The following JPH4 variants were observed in gnomAD, a reference collection of about 807,000 sequenced individuals.
JPH4 encodes the protein junctophilin-4.
In JPH4, 18 loss-of-function variants were observed where a neutral mutation model predicts 57.6. That is an observed-to-expected ratio of 0.31 (90% CI 0.22 to 0.46). JPH4 has a LOEUF of 0.46. Among genes scored for constraint, JPH4 ranks in the 20% least tolerant of loss-of-function variants. JPH4 has a pLI of 1.00. For synonymous variants in JPH4, 425 were observed against 406.6 expected (o/e 1.05, Z -0.54); for missense variants, 727 against 911.1 (o/e 0.80, Z 2.60).
rs754712369 is a variant in JPH4, at chr14:23,575,782, G to C, written c.1054C>G (p.Arg352Gly). The C allele has an allele frequency of 6.3e-7, 1 of 1,596,246 alleles. No homozygotes were observed. The highest frequency in any genetic ancestry group is 1.7e-5 in the Admixed American group (1 of 58,284). The part of the protein sequence containing the change: ...RVRSLLPLAL[R>G]RGKVKEKVDR... ...ACCTTCTCCTTAACCTTGCCCCGCC[G>C]AAGGGCCAGAGGCAGGAGACTGCGG... The change falls in exon 3 of 6, where the codon CGG becomes GGG. Residue 352 changes from arginine to glycine, a missense_variant. Physicochemically the swap from Arg to Gly is moderately radical, Grantham distance 125. Coordinates refer to ENST00000356300, the MANE Select transcript of JPH4 (RefSeq NM_001146028.2). This position sits in a 1 kb window ranked among gnomAD's most constrained non-coding sequence, Gnocchi z 6.9.
intron 3 of JPH4, among the ~76,000 whole-genome samples, chr14:23,573,671 C>G (rs1265780591): frequency 6.6e-6 from 1 of 152,158 alleles, no homozygotes. Context: ...AGCTGGCAGC[C>G]AGTCGGGATT....
rs921151272 is a variant in JPH4 at position 23,575,743 on chromosome 14, C to G, written c.1093G>C (p.Glu365Gln). The change falls in exon 3 of 6, where the codon GAG (glutamate) becomes CAG (glutamine). Residue 365 changes from glutamate (E) to glutamine (Q), a missense_variant. Physicochemically the swap from Glu to Gln is conservative, Grantham distance 29. Around this residue, in one of 7 missense-constraint regions of JPH4, gnomAD observed 112 missense variants for 199.4 expected, o/e 0.56. Coordinates refer to ENST00000356300, the MANE Select transcript of JPH4 (RefSeq NM_001146028.2). The surrounding 1 kb of genome is among the most constrained non-coding windows in gnomAD (Gnocchi z 6.9). ...KVKEKVDRAV[E>Q]GARRAVSAAR... ...GCACTCACGGCTCGACGGGCGCCCT[C>G]GACAGCCCTGTCCACCTTCTCCTTA... The G allele has an allele frequency of 6.3e-7, 1 of 1,593,658 alleles. No homozygotes were observed. The highest frequency in any genetic ancestry group is 2.3e-5 in the East Asian group (1 of 42,830).
chr14:23,578,399 G>C lies in JPH4; in HGVS notation c.-391C>G, dbSNP rs1421892881. 6.6e-6 allele frequency: 1 copy of C among 151,586 alleles called. No individual in the cohort carries two copies. The highest frequency in any genetic ancestry group is 6.6e-5 in the Admixed American group (1 of 15,202). The allele number at this position is 151,586 out of a possible 1,614,324, so 9.4% of individuals were successfully genotyped here. A position where few individuals can be genotyped will look rare whatever the true frequency, so the allele number is the denominator to read the frequency against. ...TAGTGGCAAGGGTGGGGGAAGATGA[G>C]AATAGTGTAGGGGAAAAAATCTGCC... On this transcript the variant is annotated 5_prime_UTR_variant, in exon 1 of 6. Transcript: ENST00000356300.
Position 23,569,179 on chromosome 14 carries a change from G to C in JPH4, c.*455C>G, listed in dbSNP as rs969791625. On this transcript the variant is annotated 3_prime_UTR_variant, in exon 6 of 6. Transcript: ENST00000356300. This position sits in a 1 kb window ranked among gnomAD's most constrained non-coding sequence, Gnocchi z 4.8. Reference sequence around the variant, plus strand: ...CAGCAGCTCAGCCAGTGCCTTGCCCGACATTCAATCACTCCTTCTTCATTT... The same window carrying C: ...CAGCAGCTCAGCCAGTGCCTTGCCCCACATTCAATCACTCCTTCTTCATTT... 5.0e-6 allele frequency: 1 copy of C among 199,504 alleles called. No homozygotes were observed. Among genetic ancestry groups the C allele is most frequent in the African/African-American group, 2.4e-5 (1 of 41,664 alleles). The allele number at this position is 199,504 out of a possible 1,614,324, so 12.4% of individuals were successfully genotyped here.
Position 23,569,429 on chromosome 14 carries a change from A to G in JPH4, c.*205T>C, listed in dbSNP as rs949736147. 1.6e-5 allele frequency: 9 copies of G among 578,724 alleles called. No individual in the cohort carries two copies. The highest frequency in any genetic ancestry group is 1.4e-4 in the South Asian group (7 of 49,136). The allele number at this position is 578,724 out of a possible 1,614,324, so 35.8% of individuals were successfully genotyped here. On this transcript the variant is annotated 3_prime_UTR_variant, in exon 6 of 6. Transcript: ENST00000356300. This position sits in a 1 kb window ranked among gnomAD's most constrained non-coding sequence, Gnocchi z 4.8. ...ATGGGGAAGGGAGTGAGGAATACAG[A>G]GACAGATCCAGAAGAAATGAGATAA...
rs531543392 is a variant in JPH4, at chr14:23,570,143, C to T, written c.1804-426G>A. Reference sequence around the variant, plus strand: ...AAACTCCGCCTCTCCCGGTTTTCTGCCTTCTTCTCTATTTCAACTTCTTCC... The same window carrying T: ...AAACTCCGCCTCTCCCGGTTTTCTGTCTTCTTCTCTATTTCAACTTCTTCC... On this transcript the variant is annotated intron_variant, in intron 5 of 5. Coordinates refer to ENST00000356300, the MANE Select transcript of JPH4 (RefSeq NM_001146028.2). Among the ~76,000 whole-genome samples, 29 of 151,608 alleles carry T rather than the reference C, an allele frequency of 1.9e-4. 2 individuals are homozygous for T. The highest frequency in any genetic ancestry group is 1.7e-3 in the Admixed American group (26 of 15,204).
At position 23,568,836 on chromosome 14, in the gene JPH4, G is replaced by A; in HGVS notation, c.*798C>T. On this transcript the variant is annotated 3_prime_UTR_variant, in exon 6 of 6. Transcript: ENST00000356300. Reference sequence around the variant, plus strand: ...GGAGACAGAAGGGTGGGAGAAGTCAGTGGCAAAGTCTGGGCAGGGTGGACT... The same window carrying A: ...GGAGACAGAAGGGTGGGAGAAGTCAATGGCAAAGTCTGGGCAGGGTGGACT... 1 of 983,352 alleles carries A rather than the reference G, an allele frequency of 1.0e-6. No homozygotes were observed. Among genetic ancestry groups the A allele is most frequent in the Non-Finnish European group, 1.2e-6 (1 of 827,582 alleles). 60.9% of individuals were successfully genotyped at this position (983,352 alleles called of 1,614,324 possible). A position where few individuals can be genotyped will look rare whatever the true frequency, so the allele number is the denominator to read the frequency against.
Position 23,576,477 on chromosome 14 carries a change from G to A in JPH4, c.380-21C>T. On this transcript the variant is annotated intron_variant, in intron 2 of 5. Coordinates refer to ENST00000356300, the MANE Select transcript of JPH4 (RefSeq NM_001146028.2). This position sits in a 1 kb window ranked among gnomAD's most constrained non-coding sequence, Gnocchi z 8.0. ...GGTGCCTGCGGGCGGCGGAGGGGTGGGAGAAAGAGTCAGGACGTGCCGCTG... is the reference window on the plus strand; with the variant it reads ...GGTGCCTGCGGGCGGCGGAGGGGTGAGAGAAAGAGTCAGGACGTGCCGCTG... The A allele has an allele frequency of 7.2e-7, 1 of 1,393,128 alleles. No homozygotes were observed. Among genetic ancestry groups the A allele is most frequent in the Non-Finnish European group, 9.2e-7 (1 of 1,082,922 alleles). 86.3% of individuals were successfully genotyped at this position (1,393,128 alleles called of 1,614,324 possible).
At position 23,571,373 on chromosome 14, in the gene JPH4, G is replaced by A. The variant is rs1889140467; in HGVS notation, c.1358C>T (p.Pro453Leu). 1.2e-6 allele frequency: 2 copies of A among 1,600,866 alleles called. No homozygotes were observed. Among genetic ancestry groups the A allele is most frequent in the Non-Finnish European group, 1.7e-6 (2 of 1,179,264 alleles). The change falls in exon 5 of 6, where the codon CCC becomes CTC. Residue 453 changes from proline (P) to leucine (L), a missense_variant. Pro to Leu is a moderately conservative substitution (Grantham distance 98). Transcript: ENST00000356300. The surrounding 1 kb of genome is among the most constrained non-coding windows in gnomAD (Gnocchi z 4.6). ...SPGVYENGLT[P>L]SEGSPELPSS... ...GGGCAGTTCAGGGGATCCCTCTGAG[G>A]GGGTCAGTCCGTTCTCATATACCCC...
chr14:23,574,151 C>T (rs956601900), intron 3 of JPH4, among the ~76,000 whole-genome samples: 1 of 151,220 alleles, frequency 6.6e-6, no homozygotes, highest in Non-Finnish European at 1.5e-5. Flanking sequence ...AATCTCATTA[C>T]AAGTGGATTT....
At position 23,576,223 on chromosome 14, in the gene JPH4, C is replaced by A; in HGVS notation, c.613G>T (p.Gly205Cys). ...GGAGTGCGCTTTCGGGACGACGCGC[C>A]GTCGGCGTCCCCGGGCCCGGCCAGC... ...FVLAGPGDAD[G>C]ASSRKRTPAA... The change falls in exon 3 of 6, where the codon GGC (glycine) becomes TGC (cysteine). Residue 205 changes from glycine (G) to cysteine (C), a missense_variant. This residue lies in a region of JPH4 where 131 missense variants were observed against 156.5 expected (regional missense o/e 0.84). Coordinates refer to ENST00000356300, the MANE Select transcript of JPH4 (RefSeq NM_001146028.2). This position sits in a 1 kb window ranked among gnomAD's most constrained non-coding sequence, Gnocchi z 8.0. 7.9e-7 allele frequency: 1 copy of A among 1,272,944 alleles called. No individual in the cohort carries two copies. The highest frequency in any genetic ancestry group is 9.9e-7 in the Non-Finnish European group (1 of 1,011,108). 78.9% of individuals were successfully genotyped at this position (1,272,944 alleles called of 1,614,324 possible).
Position 23,577,725 on chromosome 14 carries a change from A to C in JPH4, c.-171-101T>G. On this transcript the variant is annotated intron_variant, in intron 1 of 5. Transcript: ENST00000356300. This position sits in a 1 kb window ranked among gnomAD's most constrained non-coding sequence, Gnocchi z 8.4. ...CTCTGGGGCATCAGCGCCGCCCCCC[A>C]ATCCACCCCCCTCCTTTGGCAGCAT... is the stretch of plus-strand genomic sequence containing the variant. The C allele has an allele frequency of 2.8e-6, 1 of 354,642 alleles. No homozygotes were observed. The allele number at this position is 354,642 out of a possible 1,614,324, so 22.0% of individuals were successfully genotyped here.
chr14:23,576,630 A>G lies in JPH4; in HGVS notation c.380-174T>C, dbSNP rs1889280295. Among the ~76,000 whole-genome samples the G allele has an allele frequency of 6.6e-6, 1 of 152,094 alleles. No homozygotes were observed. The highest frequency in any genetic ancestry group is 2.1e-4 in the South Asian group (1 of 4,832). ...GGGAACAGGCCAGGCTGGGCCGGAA[A>G]GTGTGGGAGAGCAGAGTGAAGACGG... On this transcript the variant is annotated intron_variant, in intron 2 of 5. Transcript: ENST00000356300. This position sits in a 1 kb window ranked among gnomAD's most constrained non-coding sequence, Gnocchi z 8.0.
In JPH4 at chr14:23,575,529, C is replaced by A; in HGVS notation, c.1151+156G>T. The A allele has an allele frequency of 1.1e-6, 1 of 910,068 alleles. No homozygotes were observed. Among genetic ancestry groups the A allele is most frequent in the South Asian group, 1.7e-5 (1 of 59,826 alleles). 56.4% of individuals were successfully genotyped at this position (910,068 alleles called of 1,614,324 possible). A position where few individuals can be genotyped will look rare whatever the true frequency, so the allele number is the denominator to read the frequency against. ...CCACCTGTAGCCTCGGATATAAACACCAAGAATGCCCAGGGGTCCAACTGC... is the reference window on the plus strand; with the variant it reads ...CCACCTGTAGCCTCGGATATAAACAACAAGAATGCCCAGGGGTCCAACTGC... On this transcript the variant is annotated intron_variant, in intron 3 of 5. Transcript: ENST00000356300. The surrounding 1 kb of genome is among the most constrained non-coding windows in gnomAD (Gnocchi z 6.9).
In JPH4 at chr14:23,577,582, GC is replaced by G; in HGVS notation, c.-130del. ...AGTTAGACCGGGGCCGGGCGGGGGG[GC>G]CCCAGCGAGGGCAGGCAGGGCCGGA... On this transcript the variant is annotated 5_prime_UTR_variant, in exon 2 of 6. The change creates a premature stop within an existing upstream ORF in the 5' untranslated region. Coordinates refer to ENST00000356300, the MANE Select transcript of JPH4 (RefSeq NM_001146028.2). This position sits in a 1 kb window ranked among gnomAD's most constrained non-coding sequence, Gnocchi z 8.4. The G allele has an allele frequency of 2.8e-6, 2 of 721,272 alleles. No individual in the cohort carries two copies. Among genetic ancestry groups the G allele is most frequent in the Non-Finnish European group, 2.0e-6 (1 of 493,452 alleles). The allele number at this position is 721,272 out of a possible 1,614,324, so 44.7% of individuals were successfully genotyped here. A position where few individuals can be genotyped will look rare whatever the true frequency, so the allele number is the denominator to read the frequency against.
intron 5 of JPH4, among the ~76,000 whole-genome samples, chr14:23,570,452 G>A (rs961012934): frequency 1.3e-4 from 19 of 149,118 alleles, no homozygotes; most frequent in East Asian, 4.0e-4. Flanking sequence ...GCTCACTGCA[G>A]GCTCCGCCTC....
chr14:23,574,391 T>C (rs10136666), intron 3 of JPH4, among the ~76,000 whole-genome samples: 18,230 of 152,082 alleles, frequency 0.12, 2,845 homozygotes, highest in African/African-American at 0.36. Context: ...AGGCTGGTCT[T>C]GAACTCCTGA....
chr14:23,576,043 G>T lies in JPH4; in HGVS notation c.793C>A (p.Pro265Thr). The T allele has an allele frequency of 7.6e-7, 1 of 1,322,746 alleles. No homozygotes were observed. Among genetic ancestry groups the T allele is most frequent in the Non-Finnish European group, 9.6e-7 (1 of 1,042,042 alleles). 81.9% of individuals were successfully genotyped at this position (1,322,746 alleles called of 1,614,324 possible). Residue 265 changes from proline (P) to threonine (T), a missense_variant, in exon 3 of 6, where the codon CCC becomes ACC. Coordinates refer to ENST00000356300, the MANE Select transcript of JPH4 (RefSeq NM_001146028.2). The surrounding 1 kb of genome is among the most constrained non-coding windows in gnomAD (Gnocchi z 8.0). The stretch of plus-strand genomic sequence containing the variant: ...AGGGCGGGCGGCGCTGCGGCCGGGG[G>T]CCCGCTGGCCTCCGAGCCGGGCGGT... ...TGPPGSEASG[P>T]PAAAPPALIE...
At position 23,577,391 on chromosome 14, in the gene JPH4, C is replaced by A. The variant is rs768737842; in HGVS notation, c.63G>T (p.Ala21=). 23 of 1,484,520 alleles carry A rather than the reference C, an allele frequency of 1.5e-5. No homozygotes were observed. The East Asian group carries it at 6.1e-4, about 40-fold the overall frequency. The allele number at this position is 1,484,520 out of a possible 1,614,324, so 92.0% of individuals were successfully genotyped here. The change falls in exon 2 of 6, where the codon GCG becomes GCT. Residue 21 remains alanine (A), a synonymous_variant. Coordinates refer to ENST00000356300, the MANE Select transcript of JPH4 (RefSeq NM_001146028.2). The surrounding 1 kb of genome is among the most constrained non-coding windows in gnomAD (Gnocchi z 8.4). ...ACACGCCGTAGCCATGTGCCCGCCC[C>A]GCCTCCCAGCCCCCCACGTAGCAGC... The part of the protein sequence containing the change: ...DGGCYVGGWE[A]GRAHGYGVCT...
Sources: allele counts gnomAD v4.1 joint callset (sites outside exome capture counted in the v4.1 genomes callset), GRCh38; gene constraint gnomAD v4.1.1; regional missense constraint gnomAD v4.1.1; non-coding constraint Gnocchi (gnomAD v3.1); transcripts MANE v1.5; gene names NCBI Gene and HGNC (gene_info 2026-07-23, HGNC 2026-07-21).